The following CSMD1 variants were observed in gnomAD, a reference collection of about 807,000 sequenced individuals.
CSMD1 encodes CUB and Sushi multiple domains 1.
In CSMD1, 213 loss-of-function variants were observed where a neutral mutation model predicts 417.5. The ratio of observed to expected loss-of-function variants is 0.51; its 90% confidence interval spans 0.46 to 0.57. The LOEUF is 0.57. CSMD1 is among the 20% of genes least tolerant of loss of function. The pLI, the probability that CSMD1 is intolerant of heterozygous loss-of-function variation, is 0.00. For synonymous variants in CSMD1, 2,862 were observed against 1,736.8 expected, an observed-to-expected ratio of 1.65 and a Z score of -16.11; for missense variants, 6,923 against 4,529.7, an observed-to-expected ratio of 1.53 and a Z score of -15.17.
chr8:3,339,527 C>T (rs576209037), intron 23 of CSMD1, among the ~76,000 whole-genome samples: 1 of 152,150 alleles, frequency 6.6e-6, no homozygotes, highest in Non-Finnish European at 1.5e-5. Context: ...GGGACTTTAA[C>T]ATCAGAATGC....
chr8:3,860,505 C>T (rs1358633433), intron 5 of CSMD1, among the ~76,000 whole-genome samples: 2 of 152,042 alleles, frequency 1.3e-5, no homozygotes, highest in African/African-American at 4.8e-5. Flanking sequence ...TTCCTTTATG[C>T]AAGGTACCTT....
At chr8:4,520,615 G>T (rs1803392229) in intron 2 of CSMD1, among the ~76,000 whole-genome samples, 1 of 152,090 alleles carries the variant, frequency 6.6e-6, no homozygotes, top group South Asian at 2.1e-4. Context: ...AAACTCAGGA[G>T]TTCTTGGTTT....
At chr8:3,405,181 T>C (rs1173627329) in intron 15 of CSMD1, among the ~76,000 whole-genome samples, 1 of 152,182 alleles carries the variant, frequency 6.6e-6, no homozygotes, top group East Asian at 1.9e-4. Flanking sequence ...AAATGATATT[T>C]TACTTTTCTT....
chr8:3,840,004 C>T (rs537429783), intron 5 of CSMD1, among the ~76,000 whole-genome samples: 4 of 152,094 alleles, frequency 2.6e-5, no homozygotes, highest in Non-Finnish European at 2.9e-5. Context: ...AAGGTCATGT[C>T]AAAGCTAAGC....
At chr8:3,096,823 G>A (rs777890150) in intron 47 of CSMD1, 26 bp downstream of exon 47, 5 of 1,453,288 alleles carry the variant, frequency 3.4e-6, no homozygotes, top group Non-Finnish European at 1.9e-6. Context: ...CGAGGTCACT[G>A]CTCTACAAAG....
chr8:3,347,355 A>G (rs758719393), intron 22 of CSMD1, among the ~76,000 whole-genome samples: 4 of 152,194 alleles, frequency 2.6e-5, no homozygotes, highest in Non-Finnish European at 5.9e-5. Flanking sequence ...AGTTAAGGGC[A>G]TTTCTAGTTG....
chr8:4,020,772 G>A (rs900066970), intron 4 of CSMD1, among the ~76,000 whole-genome samples: 1 of 152,178 alleles, frequency 6.6e-6, no homozygotes, highest in Non-Finnish European at 1.5e-5. Flanking sequence ...CCAACCTTGA[G>A]ATAAGGTCTG....
Position 4,360,249 on chromosome 8 carries a change from G to A in CSMD1, c.415+59704C>T, listed in dbSNP as rs141215189. ...TCTCATCTAATGTTGATTTCCTGAT[G>A]AACACACATCTACCTCCCTGAATTT... On this transcript the variant is annotated intron_variant, in intron 3 of 69. Transcript: ENST00000635120. Among the ~76,000 whole-genome samples, 581 of 152,150 alleles carry A rather than the reference G, an allele frequency of 3.8e-3. 4 individuals carry two copies. The highest frequency in any genetic ancestry group is 0.013 in the African/African-American group (540 of 41,512).
intron 12 of CSMD1, among the ~76,000 whole-genome samples, chr8:3,431,233 G>T (rs1454188197): frequency 5.3e-5 from 8 of 152,140 alleles, no homozygotes; most frequent in African/African-American, 1.7e-4. Flanking sequence ...TGCAACAGCT[G>T]AAACTCCCCA....
chr8:3,937,020 A>G (rs1173980603), intron 5 of CSMD1, among the ~76,000 whole-genome samples: 2 of 152,180 alleles, frequency 1.3e-5, no homozygotes, highest in African/African-American at 2.4e-5. Flanking sequence ...TAAAGGTTTC[A>G]GTGGAGGAAG....
At chr8:4,719,756 C>T (rs7003892) in intron 1 of CSMD1, among the ~76,000 whole-genome samples, 16,071 of 151,962 alleles carry the variant, frequency 0.11, 1,412 homozygotes, top group African/African-American at 0.24. Context: ...TATGCACTTA[C>T]GATTTTCAAA....
At chr8:2,997,505 G>A (rs777712027) in intron 54 of CSMD1, among the ~76,000 whole-genome samples, 1 of 152,166 alleles carries the variant, frequency 6.6e-6, no homozygotes, top group African/African-American at 2.4e-5. Context: ...GTAATGGAAA[G>A]TAATTGAAAT....
chr8:4,259,791 T>C (rs1178381427), intron 3 of CSMD1, among the ~76,000 whole-genome samples: 1 of 152,284 alleles, frequency 6.6e-6, no homozygotes, highest in South Asian at 2.1e-4. Context: ...AAAATATTCA[T>C]GTAAATAATA....
At chr8:4,108,536 C>T (rs769120541) in intron 3 of CSMD1, among the ~76,000 whole-genome samples, 3 of 152,132 alleles carry the variant, frequency 2.0e-5, no homozygotes, top group African/African-American at 7.2e-5. Flanking sequence ...TTTGTAACCC[C>T]AACTGTTTTC....
At chr8:3,776,594 T>C (rs369190977) in intron 5 of CSMD1, among the ~76,000 whole-genome samples, 7 of 152,146 alleles carry the variant, frequency 4.6e-5, no homozygotes, top group East Asian at 1.9e-4. Context: ...ACGGGACTTT[T>C]GTTAAATCTC....
At chr8:4,172,989 CCA>C (rs1320078632) in intron 3 of CSMD1, among the ~76,000 whole-genome samples, 1 of 152,100 alleles carries the variant, frequency 6.6e-6, no homozygotes, top group Non-Finnish European at 1.5e-5. Flanking sequence ...GATTCCTGAC[CCA>C]CAGAAACCTT....
At chr8:4,059,072 C>A (rs536506155) in intron 3 of CSMD1, among the ~76,000 whole-genome samples, 1 of 152,072 alleles carries the variant, frequency 6.6e-6, no homozygotes, top group African/African-American at 2.4e-5. Flanking sequence ...TGTAAAAGAA[C>A]AGAAATTATA....
At chr8:4,850,017 C>T (rs1325810103) in intron 1 of CSMD1, among the ~76,000 whole-genome samples, 1 of 152,170 alleles carries the variant, frequency 6.6e-6, no homozygotes, top group Admixed American at 6.5e-5. Context: ...GTTCTAATTT[C>T]TCCACATCTG....
chr8:4,939,464 C>G (rs1048933397), intron 1 of CSMD1, among the ~76,000 whole-genome samples: 2 of 152,086 alleles, frequency 1.3e-5, no homozygotes, highest in Non-Finnish European at 2.9e-5. Context: ...TACTATTCAG[C>G]CTTTAAAAAG....
Sources: allele counts gnomAD v4.1 joint callset (sites outside exome capture counted in the v4.1 genomes callset), GRCh38; gene constraint gnomAD v4.1.1; transcripts MANE v1.5; gene names NCBI Gene and HGNC (gene_info 2026-07-23, HGNC 2026-07-21).